The following PTP4A1 variants were observed in gnomAD, a reference collection of about 807,000 sequenced individuals.
PTP4A1 encodes protein tyrosine phosphatase type IVA 1.
In PTP4A1, 9 loss-of-function variants were observed where a neutral mutation model predicts 20.5. The observed-to-expected ratio is 0.44, with a 90% CI of 0.26 to 0.77. The LOEUF (loss-of-function observed/expected upper bound fraction) is 0.77. Among genes scored for constraint, PTP4A1 ranks in the 30% least tolerant of loss-of-function variants. The pLI is 0.19. For missense variants in PTP4A1, 137 were observed against 218.8 expected, an observed-to-expected ratio of 0.63 and a Z score of 2.36; for synonymous variants, 78 against 67.4, an observed-to-expected ratio of 1.16 and a Z score of -0.77.
At chr6:63,552,222 A>G (rs1053089306) in intron 3 of PTP4A1, among the ~76,000 whole-genome samples, 2 of 152,206 alleles carry the variant, frequency 1.3e-5, no homozygotes, top group African/African-American at 2.4e-5. Flanking sequence ...AATGATTGGC[A>G]TTCTAACTGG....
chr6:63,554,373 T>C (rs75708587), intron 3 of PTP4A1, among the ~76,000 whole-genome samples: 8,870 of 152,290 alleles, frequency 0.058, 361 homozygotes, highest in Non-Finnish European at 0.082. Flanking sequence ...ATACACTTTC[T>C]TCTAGACTGT....
chr6:63,519,566 G>T (rs554722470), upstream of PTP4A1, among the ~76,000 whole-genome samples: 4 of 152,218 alleles, frequency 2.6e-5, no homozygotes, highest in South Asian at 8.3e-4. Context: ...CACCACATAT[G>T]CCAAGTTTGT....
At chr6:63,558,921 C>T (rs551610182) in intron 3 of PTP4A1, among the ~76,000 whole-genome samples, 2 of 152,200 alleles carry the variant, frequency 1.3e-5, no homozygotes, top group South Asian at 4.2e-4. Flanking sequence ...AGATAATGCT[C>T]CTAAAGTGTC....
At chr6:63,555,941 T>C (rs1022501912) in intron 3 of PTP4A1, among the ~76,000 whole-genome samples, 9 of 152,122 alleles carry the variant, frequency 5.9e-5, no homozygotes, top group Non-Finnish European at 1.3e-4. Flanking sequence ...TCTGCCTGCC[T>C]CAGCCTCCCA....
chr6:63,532,402 C>G (rs1387576968), intron 2 of PTP4A1, among the ~76,000 whole-genome samples: 1 of 152,164 alleles, frequency 6.6e-6, no homozygotes, highest in Non-Finnish European at 1.5e-5. Flanking sequence ...TGCTCACATA[C>G]TACCAGTACC....
chr6:63,528,978 A>G (rs1190123311), intron 2 of PTP4A1, among the ~76,000 whole-genome samples: 1 of 151,468 alleles, frequency 6.6e-6, no homozygotes, highest in Non-Finnish European at 1.5e-5. Flanking sequence ...AATCCCAGCT[A>G]CTTGGGAGGC....
chr6:63,561,086 T>A (rs1307709852), intron 3 of PTP4A1, among the ~76,000 whole-genome samples: 1 of 152,210 alleles, frequency 6.6e-6, no homozygotes, highest in East Asian at 1.9e-4. Context: ...AGCTTGTTTG[T>A]TTAGCAAAGA....
At chr6:63,578,785 T>G (rs570604297) in intron 3 of PTP4A1, 113 bp from the exon 4 acceptor site, 70 of 1,199,538 alleles carry the variant, frequency 5.8e-5, no homozygotes, top group South Asian at 3.3e-4. Flanking sequence ...TAAGATTTGA[T>G]TAAACATTAA....
At chr6:63,578,312 A>G (rs1176180990) in intron 2 of PTP4A1, 125 bp from the exon 3 acceptor site, 1 of 1,174,246 alleles carries the variant, frequency 8.5e-7, no homozygotes, top group Non-Finnish European at 1.1e-6. Flanking sequence ...AATGGATTCT[A>G]GCATTCTTTA....
chr6:63,578,420 A>AT lies in PTP4A1; in HGVS notation c.106-16dup. The stretch of plus-strand genomic sequence containing the variant: ...GTGGTTAAACATTAAGATTTTTTTA[A>AT]TGTACGTTTTATCCAGGAACTTAAG... On this transcript the variant is annotated splice_polypyrimidine_tract_variant and intron_variant, in intron 2 of 5. Transcript: ENST00000626021. 6.3e-7 allele frequency: 1 copy of AT among 1,595,750 alleles called. No homozygotes were observed. The highest frequency in any genetic ancestry group is 8.5e-7 in the Non-Finnish European group (1 of 1,175,166).
At chr6:63,526,669 G>A (rs947157725) in intron 1 of PTP4A1, among the ~76,000 whole-genome samples, 46 of 151,394 alleles carry the variant, frequency 3.0e-4, no homozygotes, top group African/African-American at 9.7e-4. Context: ...TTAGCTGGAC[G>A]TGGTGGCGTG....
intron 3 of PTP4A1, among the ~76,000 whole-genome samples, chr6:63,556,107 A>T (rs1384758789): frequency 1.3e-5 from 2 of 152,296 alleles, no homozygotes; most frequent in South Asian, 4.1e-4. Context: ...ACATTTTGCA[A>T]ATCTAAGAAT....
intron 2 of PTP4A1, chr6:63,548,660 T>C: frequency 2.3e-6 from 1 of 431,450 alleles, no homozygotes. Flanking sequence ...AAGGAAAATT[T>C]GTTCTATTTT....
rs1020177948 is a variant in PTP4A1 at position 63,582,241 on chromosome 6, A to G, written c.*2067A>G. On this transcript the variant is annotated 3_prime_UTR_variant, in exon 6 of 6. Transcript: ENST00000626021. ...CCTAGTCTTGAGAACATAATTTTAT[A>G]TAATCAATTACTAAATGTTAAACTA... 6.6e-6 allele frequency: 1 copy of G among 152,528 alleles called. No individual in the cohort carries two copies. Among genetic ancestry groups the G allele is most frequent in the Non-Finnish European group, 1.5e-5 (1 of 67,996 alleles). The allele number at this position is 152,528 out of a possible 1,614,324, so 9.4% of individuals were successfully genotyped here.
chr6:63,564,194 T>G (rs1407592457), intron 3 of PTP4A1, among the ~76,000 whole-genome samples: 1 of 151,488 alleles, frequency 6.6e-6, no homozygotes, highest in Admixed American at 6.6e-5. Flanking sequence ...GAGAATCACT[T>G]GAACCCGGGA....
chr6:63,529,057 C>A lies in PTP4A1; in HGVS notation c.-640+973C>A, dbSNP rs377520122. 6.0e-5 allele frequency among the ~76,000 whole-genome samples: 9 copies of A among 150,694 alleles called. No homozygotes were observed. In the East Asian group the frequency reaches 9.7e-4, roughly 16 times the overall value. On this transcript the variant is annotated intron_variant, in intron 2 of 3. Coordinates refer to the PTP4A1 transcript ENST00000639568. The stretch of plus-strand genomic sequence containing the variant: ...TGAGCCGAGATTGCACCACTGCACT[C>A]CAGCCTGGGCAACAAGAGCGAAACT...
At chr6:63,565,196 G>C (rs1438037087) in intron 3 of PTP4A1, among the ~76,000 whole-genome samples, 2 of 150,494 alleles carry the variant, frequency 1.3e-5, no homozygotes, top group African/African-American at 2.4e-5. Context: ...TTTTTTTGTA[G>C]AGACAGGGTC....
upstream of PTP4A1, among the ~76,000 whole-genome samples, chr6:63,518,233 A>G (rs1562109010): frequency 1.3e-5 from 2 of 151,622 alleles, no homozygotes; most frequent in East Asian, 1.9e-4. Context: ...CACCTTTTCC[A>G]TAACTTTATT....
chr6:63,537,701 C>G (rs1459408916), intron 2 of PTP4A1, among the ~76,000 whole-genome samples: 2 of 152,232 alleles, frequency 1.3e-5, no homozygotes, highest in African/African-American at 4.8e-5. Context: ...ATTAATTCCA[C>G]TTAAACCATT....
Sources: allele counts gnomAD v4.1 joint callset (sites outside exome capture counted in the v4.1 genomes callset), GRCh38; gene constraint gnomAD v4.1.1; transcripts MANE v1.5; gene names NCBI Gene and HGNC (gene_info 2026-07-23, HGNC 2026-07-21).